ACBD6: variants seen among roughly 807,000 people sequenced by gnomAD.
The protein encoded by ACBD6 is acyl-CoA binding domain containing 6.
A neutral mutation model predicts 37.2 loss-of-function variants in ACBD6; 28 were observed. The observed-to-expected ratio is 0.75, with a 90% CI of 0.56 to 1.03. The LOEUF (loss-of-function observed/expected upper bound fraction) is 1.03. Ranked by LOEUF, ACBD6 falls within the 50% of genes least tolerant of loss-of-function variation. The pLI, the probability that ACBD6 is intolerant of heterozygous loss-of-function variation, is 0.00. For missense variants in ACBD6, 340 were observed against 337.4 expected, an observed-to-expected ratio of 1.01 and a Z score of -0.06; for synonymous variants, 113 against 126.8, an observed-to-expected ratio of 0.89 and a Z score of 0.73.
At chr1:180,448,097 C>T (rs1649545366) in intron 3 of ACBD6, among the ~76,000 whole-genome samples, 1 of 152,204 alleles carries the variant, frequency 6.6e-6, no homozygotes, top group South Asian at 2.1e-4. Context: ...TAACTAGCTA[C>T]ATTAGAATAA....
chr1:180,401,615 C>T (rs1647368290), intron 5 of ACBD6, among the ~76,000 whole-genome samples: 1 of 151,816 alleles, frequency 6.6e-6, no homozygotes, highest in Non-Finnish European at 1.5e-5. Flanking sequence ...GAAATGCTGT[C>T]TCTACTAGAA....
In ACBD6 at chr1:180,288,318, T is replaced by A; in HGVS notation, c.*45A>T. ...TTATTTTTGTAGTTTTCTTTCATAA[T>A]GGAAGCCTTATGCTATTACAGACTG... On this transcript the variant is annotated 3_prime_UTR_variant, in exon 8 of 8. Coordinates refer to ENST00000367595, the MANE Select transcript of ACBD6 (RefSeq NM_032360.4). 6.2e-7 allele frequency: 1 copy of A among 1,612,618 alleles called. No individual in the cohort carries two copies. The highest frequency in any genetic ancestry group is 1.3e-5 in the African/African-American group (1 of 75,024).
intron 6 of ACBD6, among the ~76,000 whole-genome samples, chr1:180,390,762 A>G (rs982387403): frequency 2.6e-5 from 4 of 152,178 alleles, no homozygotes; most frequent in Non-Finnish European, 5.9e-5. Flanking sequence ...TCTCTTTGAA[A>G]CAATTGTGAA....
intron 6 of ACBD6, among the ~76,000 whole-genome samples, chr1:180,348,303 T>C (rs548078209): frequency 3.3e-5 from 5 of 152,130 alleles, no homozygotes; most frequent in Non-Finnish European, 7.4e-5. Context: ...AGCAAATAAA[T>C]CAACATAGAG....
intron 1 of ACBD6, 105 bp from the exon 2 acceptor site, chr1:180,495,630 A>C (rs1651704276): frequency 1.2e-6 from 1 of 867,354 alleles, no homozygotes; most frequent in African/African-American, 1.7e-5. Flanking sequence ...AGGTTGGAAA[A>C]TATTTGCATC....
intron 4 of ACBD6, among the ~76,000 whole-genome samples, chr1:180,427,539 AT>A (rs1252531208): frequency 8.5e-5 from 13 of 152,284 alleles, no homozygotes; most frequent in African/African-American, 3.1e-4. Context: ...GAAATAACCC[AT>A]TTTCATTGTT....
chr1:180,435,921 T>C, intron 3 of ACBD6: 2 of 1,376,452 alleles, frequency 1.5e-6, no homozygotes, highest in Non-Finnish European at 2.1e-6. Flanking sequence ...AAGCTTGGTT[T>C]AGGCCTGGAA....
chr1:180,270,997 C>T, exon 14 of ACBD6: 1 of 322,334 alleles, frequency 3.1e-6, no homozygotes, highest in Non-Finnish European at 6.1e-6. Context: ...ATGACTTCAA[C>T]CTGGCTGTTC....
intron 6 of ACBD6, among the ~76,000 whole-genome samples, chr1:180,355,401 T>C (rs2101897282): frequency 6.6e-6 from 1 of 152,340 alleles, no homozygotes; most frequent in East Asian, 1.9e-4. Flanking sequence ...TATGTTACCA[T>C]TCTTTTGGGA....
chr1:180,343,135 C>T (rs1044471748), intron 6 of ACBD6, among the ~76,000 whole-genome samples: 7 of 151,864 alleles, frequency 4.6e-5, no homozygotes, highest in African/African-American at 1.7e-4. Context: ...AAATACCCAA[C>T]TGAATTAAAA....
chr1:180,406,650 C>A (rs1469633175), intron 5 of ACBD6, among the ~76,000 whole-genome samples: 1 of 151,996 alleles, frequency 6.6e-6, no homozygotes, highest in Non-Finnish European at 1.5e-5. Flanking sequence ...TGTGGGAATA[C>A]AAATGTAGCT....
chr1:180,281,012 C>T (rs147327861), intron 9 of ACBD6, among the ~76,000 whole-genome samples: 1 of 152,338 alleles, frequency 6.6e-6, no homozygotes, highest in East Asian at 1.9e-4. Context: ...ATACTATCAA[C>T]TGTTTTTGAG....
chr1:180,441,428 G>A (rs1649275956), intron 3 of ACBD6, among the ~76,000 whole-genome samples: 1 of 151,998 alleles, frequency 6.6e-6, no homozygotes, highest in Admixed American at 6.5e-5. Context: ...TTGACTATTT[G>A]GGGCCCTTTG....
At chr1:180,334,110 G>A (rs1651599466) in intron 6 of ACBD6, among the ~76,000 whole-genome samples, 1 of 152,228 alleles carries the variant, frequency 6.6e-6, no homozygotes. Context: ...TCAAACAAAA[G>A]GCAGCAGAAA....
intron 3 of ACBD6, among the ~76,000 whole-genome samples, chr1:180,463,506 A>G (rs1650229019): frequency 6.6e-6 from 1 of 152,190 alleles, no homozygotes; most frequent in Non-Finnish European, 1.5e-5. Context: ...ATGAACCAGG[A>G]AGAAACTGAA....
intron 6 of ACBD6, among the ~76,000 whole-genome samples, chr1:180,386,421 T>C (rs1423666956): frequency 6.6e-6 from 1 of 152,314 alleles, no homozygotes; most frequent in East Asian, 1.9e-4. Flanking sequence ...GGTATATCTG[T>C]CTATGGTTCT....
intron 6 of ACBD6, among the ~76,000 whole-genome samples, chr1:180,339,040 A>G (rs142658455): frequency 0.15 from 22,710 of 152,142 alleles, 1,822 homozygotes; most frequent in Middle Eastern, 0.22. Flanking sequence ...AACAGGTGCT[A>G]GAGAGGATGT....
intron 3 of ACBD6, among the ~76,000 whole-genome samples, chr1:180,473,310 A>G (rs941594188): frequency 2.0e-5 from 3 of 150,800 alleles, no homozygotes; most frequent in South Asian, 2.1e-4. Flanking sequence ...AGCCGGGCGT[A>G]GTGGCGGGCG....
intron 7 of ACBD6, among the ~76,000 whole-genome samples, chr1:180,308,315 G>A (rs955328056): frequency 6.6e-6 from 1 of 151,926 alleles, no homozygotes; most frequent in Non-Finnish European, 1.5e-5. Context: ...TACTATGTCT[G>A]CTGTCATTCA....
Sources: allele counts gnomAD v4.1 joint callset (sites outside exome capture counted in the v4.1 genomes callset), GRCh38; gene constraint gnomAD v4.1.1; transcripts MANE v1.5; gene names NCBI Gene and HGNC (gene_info 2026-07-23, HGNC 2026-07-21).